Variants in TMEM132B observed in about 807,000 individuals in gnomAD.
The protein encoded by TMEM132B is transmembrane protein 132B.
In TMEM132B, 18 loss-of-function variants were observed where a neutral mutation model predicts 90.8. The ratio of observed to expected loss-of-function variants is 0.20; its 90% CI spans 0.14 to 0.29. The LOEUF (loss-of-function observed/expected upper bound fraction) is 0.29, where lower values mean the gene tolerates loss of function less well. Ranked by LOEUF, TMEM132B falls within the 10% of genes least tolerant of loss-of-function variation. The probability of loss-of-function intolerance (pLI) is 1.00; values close to 1 mark genes in which losing one functional copy is unlikely to be tolerated. For missense variants in TMEM132B, 1,096 were observed against 1,326.8 expected, an observed-to-expected ratio of 0.83 and a Z score of 2.70; for synonymous variants, 504 against 523.3, an observed-to-expected ratio of 0.96 and a Z score of 0.50.
intron 4 of TMEM132B, among the ~76,000 whole-genome samples, chr12:125,536,163 G>T (rs887137866): frequency 3.3e-5 from 5 of 152,214 alleles, no homozygotes; most frequent in African/African-American, 1.2e-4. Context: ...TCTTTGCTCT[G>T]CAAGGTGTGG....
intron 4 of TMEM132B, among the ~76,000 whole-genome samples, chr12:125,562,531 T>G (rs1007610195): frequency 4.6e-5 from 7 of 152,194 alleles, no homozygotes; most frequent in Non-Finnish European, 1.0e-4. Flanking sequence ...AGCTTTTGAT[T>G]TAAAGTGAGA....
chr12:125,218,769 GTTTTTTTTTT>G (rs34905706), intron 1 of TMEM132B, among the ~76,000 whole-genome samples: 1 of 108,854 alleles, frequency 9.2e-6, no homozygotes, highest in Non-Finnish European at 1.7e-5. Context: ...TGTTGAAGCT[GTTTTTTTTTT>G]TTTTTTTTTT....
chr12:125,446,793 C>T (rs979381541), intron 3 of TMEM132B, among the ~76,000 whole-genome samples: 5 of 152,114 alleles, frequency 3.3e-5, no homozygotes, highest in South Asian at 4.2e-4. Context: ...GTATTGCAGC[C>T]GAATAAAAAC....
intron 3 of TMEM132B, among the ~76,000 whole-genome samples, chr12:125,486,723 A>G (rs550413459): frequency 1.3e-5 from 2 of 152,324 alleles, no homozygotes; most frequent in South Asian, 4.1e-4. Context: ...CGGTCACTGT[A>G]AAATCCTATT....
chr12:125,594,595 G>A (rs561858941), intron 5 of TMEM132B, among the ~76,000 whole-genome samples: 1 of 152,156 alleles, frequency 6.6e-6, no homozygotes, highest in Admixed American at 6.6e-5. Context: ...ATAGAGGTTT[G>A]TAATTTTGGT....
At chr12:125,229,134 CACCTCCG>C (rs112164269) in intron 1 of TMEM132B, among the ~76,000 whole-genome samples, 1 of 152,232 alleles carries the variant, frequency 6.6e-6, no homozygotes, top group African/African-American at 2.4e-5. Context: ...GGCCACCGCC[CACCTCCG>C]AGTTTCTCGT....
intron 5 of TMEM132B, among the ~76,000 whole-genome samples, chr12:125,589,678 G>C (rs985267334): frequency 3.9e-5 from 6 of 152,030 alleles, no homozygotes; most frequent in African/African-American, 1.4e-4. Context: ...CATGGCAGGA[G>C]CAGGAGCAAG....
intron 3 of TMEM132B, among the ~76,000 whole-genome samples, chr12:125,428,265 A>G (rs940609942): frequency 2.6e-5 from 4 of 151,924 alleles, no homozygotes; most frequent in East Asian, 1.9e-4. Context: ...AAGTACTAGG[A>G]TTACAGGTGT....
chr12:125,255,564 T>A (rs1288741034), intron 1 of TMEM132B, among the ~76,000 whole-genome samples: 1 of 152,204 alleles, frequency 6.6e-6, no homozygotes, highest in Non-Finnish European at 1.5e-5. Context: ...AGCTCCACCA[T>A]ATTAAAGGAT....
rs188621891 is a variant in TMEM132B at position 125,592,646 on chromosome 12, C to T, written c.1437+8652C>T. Among the ~76,000 whole-genome samples, 3 of 152,284 alleles carry T rather than the reference C, an allele frequency of 2.0e-5. No homozygotes were observed. The East Asian group carries it at 5.8e-4, about 29-fold the overall frequency. Reference sequence around the variant, plus strand: ...CAGTCTGGAAAACATCAGCATCTTCCAGAGAGTGGCTGCATTTCTTGGGGT... The same window carrying T: ...CAGTCTGGAAAACATCAGCATCTTCTAGAGAGTGGCTGCATTTCTTGGGGT... On this transcript the variant is annotated intron_variant, in intron 5 of 8. Coordinates refer to ENST00000682704, the MANE Select transcript of TMEM132B (RefSeq NM_001366854.1).
chr12:125,462,682 C>A (rs1296050262), intron 3 of TMEM132B, among the ~76,000 whole-genome samples: 1 of 152,160 alleles, frequency 6.6e-6, no homozygotes, highest in Non-Finnish European at 1.5e-5. Flanking sequence ...TAGATGTTGA[C>A]ATATCTATCA....
chr12:125,517,854 A>G (rs943534621), intron 3 of TMEM132B, among the ~76,000 whole-genome samples: 10 of 152,216 alleles, frequency 6.6e-5, no homozygotes, highest in African/African-American at 2.4e-4. Flanking sequence ...GCAGTTGTCT[A>G]CCTGCCCTGT....
intron 1 of TMEM132B, among the ~76,000 whole-genome samples, chr12:125,218,136 C>G (rs1303773198): frequency 6.6e-6 from 1 of 151,906 alleles, no homozygotes; most frequent in East Asian, 1.9e-4. Flanking sequence ...GGAGCAACAC[C>G]CTAAGGAGTC....
rs1279958100 is a variant in TMEM132B at position 125,425,820 on chromosome 12, G to A, written c.1106+10143G>A. Among the ~76,000 whole-genome samples, 3 of 152,158 alleles carry A rather than the reference G, an allele frequency of 2.0e-5. No individual in the cohort carries two copies. The East Asian group carries it at 5.8e-4, about 29-fold the overall frequency. On this transcript the variant is annotated intron_variant, in intron 3 of 8. Transcript: ENST00000682704. ...TCACTGAATGACATTCCATTGCCTG[G>A]ATGGACCACAGTTTATACATTTATC...
intron 5 of TMEM132B, among the ~76,000 whole-genome samples, chr12:125,622,146 C>T (rs1886127794): frequency 1.3e-5 from 2 of 152,148 alleles, no homozygotes; most frequent in African/African-American, 2.4e-5. Flanking sequence ...TAGGTCACCT[C>T]CCTGTTCTCA....
intron 5 of TMEM132B, among the ~76,000 whole-genome samples, chr12:125,612,564 TA>T (rs1885860247): frequency 6.9e-6 from 1 of 145,846 alleles, no homozygotes; most frequent in African/African-American, 2.5e-5. Flanking sequence ...TATATATATA[TA>T]ATATATATAA....
chr12:125,529,250 GTTTTTAC>G (rs904347850), intron 4 of TMEM132B, among the ~76,000 whole-genome samples: 5 of 151,942 alleles, frequency 3.3e-5, no homozygotes, highest in Non-Finnish European at 5.9e-5. Context: ...GCCTGGTTAA[GTTTTTAC>G]TTTTTACTTT....
intron 1 of TMEM132B, among the ~76,000 whole-genome samples, chr12:125,216,478 T>C (rs1465846823): frequency 6.6e-6 from 1 of 152,178 alleles, no homozygotes; most frequent in Non-Finnish European, 1.5e-5. Flanking sequence ...AAACTTCATT[T>C]TGTAACACCT....
At chr12:125,503,377 A>G (rs1181140890) in intron 3 of TMEM132B, among the ~76,000 whole-genome samples, 1 of 152,188 alleles carries the variant, frequency 6.6e-6, no homozygotes, top group Non-Finnish European at 1.5e-5. Context: ...TGGCTCAGCC[A>G]CCAGAACAGG....
Sources: gnomAD v4.1 joint callset for allele counts (sites outside exome capture counted in the v4.1 genomes callset) on GRCh38, gnomAD v4.1.1 for gene constraint, MANE v1.5 for transcripts, NCBI Gene and HGNC (gene_info 2026-07-23, HGNC 2026-07-21) for gene names.